Variants in MYH10 observed in about 807,000 individuals in gnomAD.
MYH10 encodes myosin heavy chain 10.
MYH10 carries 55 observed loss-of-function variants against 257.8 expected under a neutral mutation model. The observed-to-expected ratio is 0.21, with a 90% CI of 0.17 to 0.27. MYH10 has a LOEUF of 0.27. Among genes scored for constraint, MYH10 ranks in the 10% least tolerant of loss-of-function variants. The pLI, the probability that MYH10 is intolerant of heterozygous loss-of-function variation, is 1.00. For synonymous variants in MYH10, 854 were observed against 921.7 expected, an observed-to-expected ratio of 0.93 and a Z score of 1.33; for missense variants, 1,631 against 2,500.6, an observed-to-expected ratio of 0.65 and a Z score of 7.42.
At chr17:8,480,720 A>G (rs1913600013) in intron 38 of MYH10, 195 bp from the exon 39 acceptor site, 1 of 687,926 alleles carries the variant, frequency 1.5e-6, no homozygotes, top group Non-Finnish European at 2.5e-6. Flanking sequence ...CCCCGCTGCC[A>G]CCACCCAGAT....
chr17:8,498,744 A>G (rs572404883), intron 30 of MYH10, among the ~76,000 whole-genome samples: 214 of 152,130 alleles, frequency 1.4e-3, no homozygotes, highest in African/African-American at 4.9e-3. Context: ...GCTACTCGGG[A>G]GACTGAGGCA....
chr17:8,493,654 G>C (rs561175177), intron 32 of MYH10, 79 bp downstream of exon 32: 1 of 1,486,048 alleles, frequency 6.7e-7, no homozygotes, highest in African/African-American at 1.4e-5. Flanking sequence ...ATGGAGCTGA[G>C]ACAGCCCAGC....
At chr17:8,606,559 C>G (rs1365845959) in intron 2 of MYH10, among the ~76,000 whole-genome samples, 1 of 152,248 alleles carries the variant, frequency 6.6e-6, no homozygotes, top group East Asian at 1.9e-4. Context: ...GCAATTGCCA[C>G]CAGAAAGCTC....
intron 2 of MYH10, among the ~76,000 whole-genome samples, chr17:8,608,529 T>C (rs1201585143): frequency 6.6e-6 from 1 of 152,196 alleles, no homozygotes; most frequent in Non-Finnish European, 1.5e-5. Context: ...GTACTGACAC[T>C]GTGGTATGGT....
At chr17:8,578,813 A>T (rs976050157) in intron 4 of MYH10, among the ~76,000 whole-genome samples, 17 of 152,162 alleles carry the variant, frequency 1.1e-4, no homozygotes, top group Admixed American at 1.1e-3. Flanking sequence ...CAAAATTCTC[A>T]ATTTGGATTA....
Position 8,553,937 on chromosome 17 carries a change from A to C in MYH10, c.820+18T>G. On this transcript the variant is annotated intron_variant, in intron 8 of 42. Coordinates refer to ENST00000360416, the MANE Select transcript of MYH10 (RefSeq NM_001256012.3). ...AATCCTTCTTTATTTTGGATTATACATTTATGAAAAAGGATACATGTTTCA... is the reference window on the plus strand; with the variant it reads ...AATCCTTCTTTATTTTGGATTATACCTTTATGAAAAAGGATACATGTTTCA... 1.9e-6 allele frequency: 3 copies of C among 1,601,284 alleles called. No individual in the cohort carries two copies. Among genetic ancestry groups the C allele is most frequent in the Non-Finnish European group, 2.6e-6 (3 of 1,168,948 alleles).
intron 17 of MYH10, 108 bp from the exon 18 acceptor site, chr17:8,521,393 C>T (rs1330807722): frequency 5.2e-6 from 6 of 1,158,326 alleles, no homozygotes; most frequent in Middle Eastern, 4.4e-4. Flanking sequence ...GAACAAATGA[C>T]AGGAGATGCC....
rs562732276 is a variant in MYH10, at chr17:8,529,736, T to A, written c.1957+887A>T. Among the ~76,000 whole-genome samples the A allele has an allele frequency of 3.3e-5, 5 of 152,368 alleles. No individual in the cohort carries two copies. The South Asian group carries it at 6.2e-4, about 19-fold the overall frequency. ...CCTTTAACATTTTAAATATAACTTTTGAGATGGATTTGGATCTCAGCATTA... is the reference window on the plus strand; with the variant it reads ...CCTTTAACATTTTAAATATAACTTTAGAGATGGATTTGGATCTCAGCATTA... On this transcript the variant is annotated intron_variant, in intron 17 of 42. Transcript: ENST00000360416.
intron 13 of MYH10, among the ~76,000 whole-genome samples, chr17:8,544,620 C>T (rs947729526): frequency 6.6e-6 from 1 of 151,942 alleles, no homozygotes; most frequent in Non-Finnish European, 1.5e-5. Context: ...ATTCAATACC[C>T]AATAGTGGCT....
Position 8,506,256 on chromosome 17 carries a change from A to G in MYH10, c.3386+62T>C. The G allele has an allele frequency of 1.3e-6, 2 of 1,498,276 alleles. No individual in the cohort carries two copies. The highest frequency in any genetic ancestry group is 1.8e-6 in the Non-Finnish European group (2 of 1,129,194). 92.8% of individuals were successfully genotyped at this position (1,498,276 alleles called of 1,614,324 possible). On this transcript the variant is annotated intron_variant, in intron 27 of 42. Coordinates refer to ENST00000360416, the MANE Select transcript of MYH10 (RefSeq NM_001256012.3). The surrounding 1 kb of genome is among the most constrained non-coding windows in gnomAD (Gnocchi z 5.0). ...GGGTTTTTGAATGCTCCCGAACATA[A>G]CAAAGTCTGCTGAAACTCAGCCCCA...
chr17:8,630,131 C>G (rs982925276), intron 1 of MYH10, among the ~76,000 whole-genome samples: 3 of 151,934 alleles, frequency 2.0e-5, no homozygotes, highest in Non-Finnish European at 4.4e-5. Context: ...AGCGCCCCCC[C>G]ACCCTACCGC....
At chr17:8,560,489 C>T (rs2082953403) in intron 7 of MYH10, 3 of 518,926 alleles carry the variant, frequency 5.8e-6, no homozygotes, top group Admixed American at 4.3e-5. Context: ...CCACTGTGTT[C>T]TTTTGACATC....
At chr17:8,568,449 G>A (rs1186547630) in intron 7 of MYH10, among the ~76,000 whole-genome samples, 1 of 151,960 alleles carries the variant, frequency 6.6e-6, no homozygotes, top group Non-Finnish European at 1.5e-5. Flanking sequence ...GTAAATTAAT[G>A]TGCAGACCAT....
intron 7 of MYH10, among the ~76,000 whole-genome samples, chr17:8,566,707 T>A (rs545061583): frequency 1.3e-5 from 2 of 152,106 alleles, no homozygotes; most frequent in African/African-American, 4.8e-5. Context: ...ACAGAAACCA[T>A]GAGATAATCG....
chr17:8,593,286 A>G (rs1237128367), intron 3 of MYH10, among the ~76,000 whole-genome samples: 1 of 152,076 alleles, frequency 6.6e-6, no homozygotes, highest in East Asian at 1.9e-4. Flanking sequence ...CAAGGGAAGG[A>G]TATTTGTTCT....
chr17:8,490,410 G>A lies in MYH10; in HGVS notation c.4814C>T (p.Ala1605Val), dbSNP rs745726185. ...GGTTTGCAGGTCTCTCTCGAACTGCGCCTTCATGGCCTGCATGTTGACCTC... is the reference window on the plus strand; with the variant it reads ...GGTTTGCAGGTCTCTCTCGAACTGCACCTTCATGGCCTGCATGTTGACCTC... ...RLEVNMQAMKAQFERDLQTRD... is the reference protein window; with the variant it reads ...RLEVNMQAMKVQFERDLQTRD... The change falls in exon 35 of 43, where the codon GCG becomes GTG. Residue 1605 changes from alanine to valine, a missense_variant. Ala to Val is a moderately conservative substitution (Grantham distance 64). Transcript: ENST00000360416. This position sits in a 1 kb window ranked among gnomAD's most constrained non-coding sequence, Gnocchi z 4.1. 8.7e-6 allele frequency: 14 copies of A among 1,614,002 alleles called. No individual in the cohort carries two copies. Among genetic ancestry groups the A allele is most frequent in the East Asian group, 4.5e-5 (2 of 44,896 alleles).
intron 4 of MYH10, among the ~76,000 whole-genome samples, chr17:8,581,333 T>C (rs935646356): frequency 5.9e-5 from 9 of 152,186 alleles, no homozygotes; most frequent in Admixed American, 5.9e-4. Flanking sequence ...AAAAGATAAT[T>C]TCTTATTACA....
intron 7 of MYH10, chr17:8,561,547 G>C (rs2082995611): frequency 2.5e-6 from 3 of 1,212,148 alleles, no homozygotes; most frequent in Non-Finnish European, 3.6e-6. Flanking sequence ...TGCGGGTGCT[G>C]CCCCATGTCT....
intron 40 of MYH10, 57 bp downstream of exon 40, chr17:8,480,053 T>C (rs1052824137): frequency 3.8e-6 from 6 of 1,573,184 alleles, no homozygotes; most frequent in African/African-American, 1.4e-5. Context: ...ATGCCTGTTT[T>C]GTCTCTGACT....
Sources: gnomAD v4.1 joint callset for allele counts (sites outside exome capture counted in the v4.1 genomes callset) on GRCh38, gnomAD v4.1.1 for gene constraint, Gnocchi (gnomAD v3.1) non-coding constraint, MANE v1.5 for transcripts, NCBI Gene and HGNC (gene_info 2026-07-23, HGNC 2026-07-21) for gene names.